AIG1: variants seen among roughly 807,000 people sequenced by gnomAD.
AIG1 encodes the protein androgen-induced gene 1 protein.
AIG1 carries 23 observed loss-of-function variants against 31.4 expected under a neutral mutation model. That is an observed-to-expected ratio of 0.73 (90% CI 0.53 to 1.04). The LOEUF is 1.04. Among genes scored for constraint, AIG1 ranks in the 50% least tolerant of loss-of-function variants. The probability of loss-of-function intolerance (pLI) is 0.00; values close to 1 mark genes in which losing one functional copy is unlikely to be tolerated. For missense variants in AIG1, 274 were observed against 295.0 expected, an observed-to-expected ratio of 0.93 and a Z score of 0.52; for synonymous variants, 100 against 110.5, an observed-to-expected ratio of 0.90 and a Z score of 0.60.
At chr6:143,276,369 A>G (rs2128672190) in intron 3 of AIG1, among the ~76,000 whole-genome samples, 1 of 152,322 alleles carries the variant, frequency 6.6e-6, no homozygotes, top group South Asian at 2.1e-4. Context: ...ACTGGCACTC[A>G]GTAAGTATTG....
At chr6:143,210,369 A>G (rs1037534948) in intron 3 of AIG1, among the ~76,000 whole-genome samples, 1 of 152,192 alleles carries the variant, frequency 6.6e-6, no homozygotes, top group South Asian at 2.1e-4. Flanking sequence ...TTGAGTGTCA[A>G]GTGAATAATT....
chr6:143,342,613 T>C (rs1777879513), downstream of AIG1: 2 of 1,088,916 alleles, frequency 1.8e-6, no homozygotes, highest in South Asian at 2.5e-5. Flanking sequence ...GCAATACGAA[T>C]CACTGAAATC....
intron 3 of AIG1, among the ~76,000 whole-genome samples, chr6:143,277,610 A>G (rs756356751): frequency 6.6e-6 from 1 of 152,236 alleles, no homozygotes; most frequent in Non-Finnish European, 1.5e-5. Context: ...TTTGATGCAC[A>G]CATAACTGTG....
intron 3 of AIG1, among the ~76,000 whole-genome samples, chr6:143,245,833 C>T (rs1037315216): frequency 7.2e-5 from 11 of 152,058 alleles, no homozygotes; most frequent in Admixed American, 4.6e-4. Flanking sequence ...TTTTATGAGG[C>T]GGTATAGCTT....
Position 143,291,988 on chromosome 6 carries a change from GGC to G in AIG1, c.515+7764_515+7765del, listed in dbSNP as rs1261383130. Among the ~76,000 whole-genome samples the G allele has an allele frequency of 6.6e-6, 1 of 152,138 alleles. No homozygotes were observed. Among genetic ancestry groups the G allele is most frequent in the Non-Finnish European group, 1.5e-5 (1 of 68,022 alleles). The stretch of plus-strand genomic sequence containing the variant: ...GTAGAACAAGGAGAAGAGAAGAGAA[GGC>G]TATAGAAGAAATCCTGATAAGAGAT... On this transcript the variant is annotated intron_variant, in intron 4 of 5. Transcript: ENST00000357847. The surrounding 1 kb of genome is among the most constrained non-coding windows in gnomAD (Gnocchi z 4.2).
intron 4 of AIG1, among the ~76,000 whole-genome samples, chr6:143,322,913 A>T (rs1294761093): frequency 1.3e-5 from 2 of 152,226 alleles, no homozygotes; most frequent in Non-Finnish European, 2.9e-5. Flanking sequence ...ATATTTCTGC[A>T]TAAGGAGAAG....
At chr6:143,060,873 C>T (rs1776172788), upstream of AIG1, 2 of 1,260,504 alleles carry the variant, frequency 1.6e-6, no homozygotes, top group Non-Finnish European at 2.0e-6. Flanking sequence ...CGCCCGGCGC[C>T]TCCCTCACGC....
At chr6:143,061,470 C>T in intron 1 of AIG1, 1 of 353,790 alleles carries the variant, frequency 2.8e-6, no homozygotes, top group Non-Finnish European at 5.6e-6. Flanking sequence ...AGAGCACCCA[C>T]CGTGGGATGA....
intron 2 of AIG1, among the ~76,000 whole-genome samples, chr6:143,143,607 T>A (rs1784482655): frequency 7.0e-6 from 1 of 143,058 alleles, no homozygotes; most frequent in African/African-American, 2.5e-5. Flanking sequence ...TTCACACAGG[T>A]ACCTAAAGTC....
intron 1 of AIG1, among the ~76,000 whole-genome samples, chr6:143,106,220 G>A (rs922126884): frequency 1.3e-5 from 2 of 152,118 alleles, no homozygotes; most frequent in East Asian, 1.9e-4. Context: ...TGAGCATGAC[G>A]GCAGAGATGG....
intron 3 of AIG1, among the ~76,000 whole-genome samples, chr6:143,277,280 C>A (rs1483004089): frequency 2.0e-5 from 3 of 152,086 alleles, no homozygotes; most frequent in African/African-American, 2.4e-5. Context: ...CTAGAGTGCA[C>A]AATTTTTGTA....
intron 3 of AIG1, among the ~76,000 whole-genome samples, chr6:143,196,393 A>C (rs867291463): frequency 1.4e-4 from 20 of 139,362 alleles, no homozygotes; most frequent in Admixed American, 5.1e-4. Context: ...ACACACACAC[A>C]CACCCCAATT....
chr6:143,147,908 A>G (rs1025593076), intron 2 of AIG1, among the ~76,000 whole-genome samples: 1 of 152,172 alleles, frequency 6.6e-6, no homozygotes, highest in African/African-American at 2.4e-5. Context: ...GCACTGTGCT[A>G]AGGGCTATAC....
intron 3 of AIG1, among the ~76,000 whole-genome samples, chr6:143,223,567 C>G (rs973130711): frequency 2.0e-5 from 3 of 152,128 alleles, no homozygotes; most frequent in African/African-American, 7.2e-5. Flanking sequence ...CTTCCCATCT[C>G]CCTCCCCAGC....
intron 3 of AIG1, among the ~76,000 whole-genome samples, chr6:143,181,613 A>AT (rs1034799555): frequency 6.6e-6 from 1 of 152,210 alleles, no homozygotes; most frequent in African/African-American, 2.4e-5. Context: ...TGCCAATGAT[A>AT]TTTTTTATTT....
At chr6:143,084,374 A>T (rs1025629168) in intron 1 of AIG1, among the ~76,000 whole-genome samples, 1 of 152,122 alleles carries the variant, frequency 6.6e-6, no homozygotes, top group Non-Finnish European at 1.5e-5. Flanking sequence ...TGTAGACTGC[A>T]CTGGAAGCAA....
chr6:143,317,342 T>A (rs1425798943), intron 4 of AIG1, among the ~76,000 whole-genome samples: 2 of 152,218 alleles, frequency 1.3e-5, no homozygotes, highest in African/African-American at 2.4e-5. Flanking sequence ...GATGCAGGGA[T>A]GGTTTAACAT....
In AIG1 at chr6:143,279,541, C is replaced by T. The variant is rs1027463753; in HGVS notation, c.400-4569C>T. 1.1e-4 allele frequency among the ~76,000 whole-genome samples: 17 copies of T among 152,230 alleles called. No homozygotes were observed. Among genetic ancestry groups the T allele is most frequent in the Middle Eastern group, 3.4e-3 (1 of 294 alleles). ...CATCAGAATTAATCATGGGTCCTTC[C>T]GTGAATCCAGCCCCACCTCAGGTGT... On this transcript the variant is annotated intron_variant, in intron 3 of 5. Coordinates refer to ENST00000357847, the MANE Select transcript of AIG1 (RefSeq NM_016108.4). This position sits in a 1 kb window ranked among gnomAD's most constrained non-coding sequence, Gnocchi z 5.4.
chr6:143,072,879 A>G (rs1230570929), intron 1 of AIG1, among the ~76,000 whole-genome samples: 1 of 152,194 alleles, frequency 6.6e-6, no homozygotes, highest in African/African-American at 2.4e-5. Flanking sequence ...ATTTTGTGGC[A>G]AGAGCCACTA....
Sources: gnomAD v4.1 joint callset for allele counts (sites outside exome capture counted in the v4.1 genomes callset) on GRCh38, gnomAD v4.1.1 for gene constraint, Gnocchi (gnomAD v3.1) non-coding constraint, MANE v1.5 for transcripts, NCBI Gene and HGNC (gene_info 2026-07-23, HGNC 2026-07-21) for gene names.